FBXL7: variants seen among roughly 807,000 people sequenced by gnomAD.
FBXL7 encodes the protein F-box/LRR-repeat protein 7.
FBXL7 carries 12 observed loss-of-function variants against 38.3 expected under a neutral mutation model. That is an observed-to-expected ratio of 0.31 (90% CI 0.20 to 0.51). FBXL7 has a LOEUF of 0.51. Ranked by LOEUF, FBXL7 falls within the 20% of genes least tolerant of loss-of-function variation. FBXL7 has a pLI of 0.98. For missense variants in FBXL7, 567 were observed against 676.4 expected, an observed-to-expected ratio of 0.84 and a Z score of 1.79; for synonymous variants, 297 against 300.9, an observed-to-expected ratio of 0.99 and a Z score of 0.13.
In FBXL7 at chr5:15,786,637, A is replaced by G. The variant is rs571641829; in HGVS notation, c.128-141253A>G. On this transcript the variant is annotated intron_variant, in intron 2 of 3. Coordinates refer to ENST00000504595, the MANE Select transcript of FBXL7 (RefSeq NM_012304.5). ...GGTTTAACATGAGTTTGATATAGTT[A>G]GTAAAAAGTGAATTAGAATAGTTTG... Among the ~76,000 whole-genome samples the G allele has an allele frequency of 4.6e-5, 7 of 152,372 alleles. No individual in the cohort carries two copies. In the East Asian group the frequency reaches 1.2e-3, roughly 25 times the overall value.
intron 2 of FBXL7, among the ~76,000 whole-genome samples, chr5:15,706,543 A>G (rs1167067851): frequency 6.6e-6 from 1 of 152,254 alleles, no homozygotes; most frequent in Non-Finnish European, 1.5e-5. Context: ...TACAATGTGT[A>G]GAGAAAGCAA....
intron 2 of FBXL7, among the ~76,000 whole-genome samples, chr5:15,762,745 G>A (rs1365839296): frequency 6.6e-6 from 1 of 152,182 alleles, no homozygotes; most frequent in Non-Finnish European, 1.5e-5. Context: ...TCAGAATGCT[G>A]AAAGGCTTAT....
At chr5:15,892,822 G>A (rs905445102) in intron 2 of FBXL7, among the ~76,000 whole-genome samples, 5 of 152,080 alleles carry the variant, frequency 3.3e-5, no homozygotes. Flanking sequence ...TACAGATTAA[G>A]AGATCAAGGC....
At chr5:15,761,303 A>C (rs1347986154) in intron 2 of FBXL7, among the ~76,000 whole-genome samples, 2 of 152,134 alleles carry the variant, frequency 1.3e-5, no homozygotes, top group East Asian at 3.9e-4. Flanking sequence ...GGTGCCAAAA[A>C]TATCATAATC....
intron 1 of FBXL7, among the ~76,000 whole-genome samples, chr5:15,565,387 A>G (rs182278162): frequency 6.4e-4 from 97 of 152,152 alleles, no homozygotes; most frequent in African/African-American, 2.3e-3. Context: ...GTAAAGAGAA[A>G]ATGGGGTCTT....
chr5:15,765,022 G>A (rs1561117750), intron 2 of FBXL7, among the ~76,000 whole-genome samples: 1 of 152,176 alleles, frequency 6.6e-6, no homozygotes, highest in Non-Finnish European at 1.5e-5. Context: ...TAAAATTATT[G>A]TATTATAGAT....
chr5:15,692,375 T>C (rs1743210475), intron 2 of FBXL7, among the ~76,000 whole-genome samples: 1 of 152,218 alleles, frequency 6.6e-6, no homozygotes, highest in Non-Finnish European at 1.5e-5. Context: ...TCTAATCACA[T>C]TGACTGCCCA....
intron 2 of FBXL7, among the ~76,000 whole-genome samples, chr5:15,917,648 A>T (rs6888294): frequency 2.0e-5 from 1 of 50,544 alleles, no homozygotes; most frequent in African/African-American, 9.1e-5. Context: ...AAGGGAGGGA[A>T]GGAAGGAAGG....
intron 2 of FBXL7, among the ~76,000 whole-genome samples, chr5:15,740,045 A>G (rs1023541494): frequency 1.3e-5 from 2 of 152,144 alleles, no homozygotes; most frequent in Non-Finnish European, 2.9e-5. Context: ...ATCGTCACCA[A>G]CACTTTTTAT....
intron 2 of FBXL7, among the ~76,000 whole-genome samples, chr5:15,653,173 A>G (rs973408364): frequency 2.6e-5 from 4 of 152,246 alleles, no homozygotes; most frequent in Non-Finnish European, 5.9e-5. Flanking sequence ...AGATAAATTA[A>G]TAATGAAAAA....
At chr5:15,774,220 A>T (rs1043616129) in intron 2 of FBXL7, among the ~76,000 whole-genome samples, 1 of 151,902 alleles carries the variant, frequency 6.6e-6, no homozygotes. Flanking sequence ...TGTCATTCAA[A>T]CTTCTACTAC....
intron 2 of FBXL7, among the ~76,000 whole-genome samples, chr5:15,740,918 CA>C (rs1346528781): frequency 1.3e-5 from 2 of 152,146 alleles, no homozygotes. Flanking sequence ...ATCAATTTCA[CA>C]ATTTTACATA....
rs533967349 is a variant in FBXL7 at position 15,730,240 on chromosome 5, C to G, written c.127+114168C>G. 2.0e-5 allele frequency among the ~76,000 whole-genome samples: 3 copies of G among 151,974 alleles called. No individual in the cohort carries two copies. The South Asian group carries it at 6.2e-4, about 32-fold the overall frequency. On this transcript the variant is annotated intron_variant, in intron 2 of 3. Transcript: ENST00000504595. Reference sequence around the variant, plus strand: ...TTGGAAGAAATTTATCTCAAAGTTTCGTGTATTTTTCTCTTGCACAGGTAC... The same window carrying G: ...TTGGAAGAAATTTATCTCAAAGTTTGGTGTATTTTTCTCTTGCACAGGTAC...
chr5:15,895,691 T>C (rs1741078937), intron 2 of FBXL7, among the ~76,000 whole-genome samples: 1 of 145,746 alleles, frequency 6.9e-6, no homozygotes, highest in Admixed American at 6.9e-5. Flanking sequence ...GCCCAGGCTC[T>C]GGAGTGCAGT....
At position 15,869,848 on chromosome 5, in the gene FBXL7, A is replaced by C. The variant is rs556715252; in HGVS notation, c.128-58042A>C. ...AATTAAGCTGGCCATGGTGGCTCAC[A>C]CCTGTAATCCCAATACTTTGGGAGG... On this transcript the variant is annotated intron_variant, in intron 2 of 3. Coordinates refer to ENST00000504595, the MANE Select transcript of FBXL7 (RefSeq NM_012304.5). 9.2e-5 allele frequency among the ~76,000 whole-genome samples: 14 copies of C among 152,236 alleles called. 1 individual carries two copies. The highest frequency in any genetic ancestry group is 3.4e-4 in the African/African-American group (14 of 41,566).
chr5:15,852,965 G>T (rs1389407979), intron 2 of FBXL7, among the ~76,000 whole-genome samples: 2 of 152,070 alleles, frequency 1.3e-5, no homozygotes, highest in African/African-American at 4.8e-5. Context: ...ACTTATGGAG[G>T]GCTGTCACTC....
chr5:15,658,524 CAAG>C (rs1741953188), intron 2 of FBXL7, among the ~76,000 whole-genome samples: 3 of 152,108 alleles, frequency 2.0e-5, no homozygotes, highest in Admixed American at 2.0e-4. Context: ...GAGCTGCAGA[CAAG>C]AACCCCTCAG....
intron 2 of FBXL7, among the ~76,000 whole-genome samples, chr5:15,843,435 G>A (rs909237671): frequency 2.6e-5 from 4 of 152,058 alleles, no homozygotes; most frequent in Admixed American, 6.6e-5. Context: ...CACACAGTAT[G>A]AATTTAGTAA....
At chr5:15,702,330 A>T (rs1743552362) in intron 2 of FBXL7, among the ~76,000 whole-genome samples, 1 of 152,226 alleles carries the variant, frequency 6.6e-6, no homozygotes, top group African/African-American at 2.4e-5. Flanking sequence ...TTGAAAAGTA[A>T]AGTGAGACTT....
Sources: allele counts gnomAD v4.1 joint callset (sites outside exome capture counted in the v4.1 genomes callset), GRCh38; gene constraint gnomAD v4.1.1; transcripts MANE v1.5; gene names NCBI Gene and HGNC (gene_info 2026-07-23, HGNC 2026-07-21).